Variants in ITSN1 observed in about 807,000 individuals in gnomAD.
The protein encoded by ITSN1 is intersectin-1.
Under a neutral mutation model 239.8 loss-of-function variants are expected in ITSN1, and 58 were observed. The ratio of observed to expected loss-of-function variants is 0.24; its 90% CI spans 0.20 to 0.30. The LOEUF (loss-of-function observed/expected upper bound fraction) is 0.30, where lower values mean the gene tolerates loss of function less well. Among genes scored for constraint, ITSN1 ranks in the 10% least tolerant of loss-of-function variants. ITSN1 has a pLI of 1.00. For synonymous variants in ITSN1, 780 were observed against 770.8 expected, an observed-to-expected ratio of 1.01 and a Z score of -0.20; for missense variants, 1,558 against 2,103.3, an observed-to-expected ratio of 0.74 and a Z score of 5.07.
intron 23 of ITSN1, 29 bp downstream of exon 23, chr21:33,818,501 G>A (rs779763703): frequency 6.4e-7 from 1 of 1,553,400 alleles, no homozygotes. Context: ...GCTTGTATTT[G>A]ATGAAAACAA....
At chr21:33,656,473 A>T (rs1220288919) in intron 1 of ITSN1, among the ~76,000 whole-genome samples, 1 of 152,214 alleles carries the variant, frequency 6.6e-6, no homozygotes, top group Non-Finnish European at 1.5e-5. Context: ...TTCACAGTGT[A>T]CAGTGTTGTG....
intron 22 of ITSN1, among the ~76,000 whole-genome samples, chr21:33,816,675 C>T (rs2073293042): frequency 6.6e-6 from 1 of 152,116 alleles, no homozygotes; most frequent in African/African-American, 2.4e-5. Context: ...GTTGAAAGGC[C>T]AACCCTGGGG....
intron 1 of ITSN1, among the ~76,000 whole-genome samples, chr21:33,645,192 C>T (rs1039291724): frequency 2.0e-5 from 3 of 152,242 alleles, no homozygotes; most frequent in South Asian, 2.1e-4. Context: ...ATTGATGACA[C>T]GAGAGTTGGG....
chr21:33,802,836 A>G (rs188767930), intron 20 of ITSN1, among the ~76,000 whole-genome samples: 7 of 152,374 alleles, frequency 4.6e-5, no homozygotes, highest in South Asian at 2.1e-4. Flanking sequence ...TTTTGAAGCT[A>G]TAAAAACCAG....
intron 34 of ITSN1, among the ~76,000 whole-genome samples, chr21:33,879,687 T>C (rs1044980980): frequency 6.6e-6 from 1 of 151,962 alleles, no homozygotes; most frequent in Non-Finnish European, 1.5e-5. Flanking sequence ...TTGTCATCCT[T>C]CTTTTTTTTT....
chr21:33,783,246 TC>T (rs1381647301), intron 16 of ITSN1, among the ~76,000 whole-genome samples: 2 of 152,224 alleles, frequency 1.3e-5, no homozygotes, highest in African/African-American at 4.8e-5. Flanking sequence ...GAAGTAAAAC[TC>T]CTATTCTATA....
At chr21:33,648,286 A>G (rs2088165257) in intron 1 of ITSN1, among the ~76,000 whole-genome samples, 1 of 152,230 alleles carries the variant, frequency 6.6e-6, no homozygotes, top group Non-Finnish European at 1.5e-5. Flanking sequence ...CTCACTTCAC[A>G]AAAAACTCTC....
At chr21:33,819,359 G>A (rs915685671) in intron 24 of ITSN1, 36 bp downstream of exon 24, 13 of 1,450,078 alleles carry the variant, frequency 9.0e-6, no homozygotes, top group Admixed American at 1.7e-5. Flanking sequence ...CTTCAGAAGG[G>A]TCAAGGACAT....
chr21:33,659,452 G>C (rs2089366570), intron 1 of ITSN1, among the ~76,000 whole-genome samples: 1 of 152,100 alleles, frequency 6.6e-6, no homozygotes, highest in Non-Finnish European at 1.5e-5. Context: ...ATCTGAAGTG[G>C]GGAAGTCTTA....
At chr21:33,829,388 A>G in intron 26 of ITSN1, 1 of 519,286 alleles carries the variant, frequency 1.9e-6, no homozygotes, top group South Asian at 2.3e-5. Flanking sequence ...ACGGGATGAC[A>G]AGGGAGTCTG....
chr21:33,878,396 A>T (rs1984359870), intron 34 of ITSN1, among the ~76,000 whole-genome samples: 1 of 151,982 alleles, frequency 6.6e-6, no homozygotes, highest in African/African-American at 2.4e-5. Flanking sequence ...GGTCTCATTC[A>T]TTCTTTTTGC....
At chr21:33,707,411 T>A (rs1197712719) in intron 1 of ITSN1, among the ~76,000 whole-genome samples, 1 of 152,194 alleles carries the variant, frequency 6.6e-6, no homozygotes, top group Non-Finnish European at 1.5e-5. Flanking sequence ...TGTGAGGCAC[T>A]GCACTTTAAA....
At chr21:33,842,495 GGTGTGTGTGTGTGTGTGT>G (rs34019939) in intron 29 of ITSN1, among the ~76,000 whole-genome samples, 1 of 148,066 alleles carries the variant, frequency 6.8e-6, no homozygotes. Context: ...TGATGTCAAC[GGTGTGTGTGTGTGTGTGT>G]GTGTGTGTGT....
chr21:33,659,380 G>A (rs1568863819), intron 1 of ITSN1, among the ~76,000 whole-genome samples: 2 of 152,136 alleles, frequency 1.3e-5, no homozygotes, highest in African/African-American at 2.4e-5. Flanking sequence ...AACTTGAAGT[G>A]GAGTTAGGGG....
At chr21:33,758,428 T>C (rs1364018154) in intron 8 of ITSN1, among the ~76,000 whole-genome samples, 1 of 152,236 alleles carries the variant, frequency 6.6e-6, no homozygotes, top group Non-Finnish European at 1.5e-5. Context: ...ATAGTGGCAC[T>C]GTTTACCCCA....
intron 1 of ITSN1, among the ~76,000 whole-genome samples, chr21:33,699,546 C>T (rs759460996): frequency 3.3e-5 from 5 of 152,008 alleles, no homozygotes; most frequent in Non-Finnish European, 7.4e-5. Context: ...ATGGTGAAAC[C>T]CTGTCTCTAC....
At chr21:33,682,622 G>A (rs1396033232) in intron 1 of ITSN1, among the ~76,000 whole-genome samples, 2 of 152,048 alleles carry the variant, frequency 1.3e-5, no homozygotes, top group Admixed American at 6.6e-5. Flanking sequence ...TCTGCTTCCC[G>A]GGTACAAGTG....
At chr21:33,829,998 A>G (rs966655691) in intron 27 of ITSN1, among the ~76,000 whole-genome samples, 2 of 152,232 alleles carry the variant, frequency 1.3e-5, no homozygotes, top group Non-Finnish European at 2.9e-5. Flanking sequence ...TAGAGTCGGC[A>G]TAGTGAGAAC....
At chr21:33,759,343 T>A (rs2834258) in intron 8 of ITSN1, among the ~76,000 whole-genome samples, 1 of 152,056 alleles carries the variant, frequency 6.6e-6, no homozygotes, top group Non-Finnish European at 1.5e-5. Context: ...AAAGTAGTTT[T>A]GTTAATGTCA....
Sources: gnomAD v4.1 joint callset for allele counts (sites outside exome capture counted in the v4.1 genomes callset) on GRCh38, gnomAD v4.1.1 for gene constraint, MANE v1.5 for transcripts, NCBI Gene and HGNC (gene_info 2026-07-23, HGNC 2026-07-21) for gene names.